The following AKAP19 variants were observed in gnomAD, a reference collection of about 807,000 sequenced individuals.
AKAP19 encodes small A-kinase anchoring protein.
the AKAP19 span, among the ~76,000 whole-genome samples, chr2:189,999,548 T>A: frequency 7.9e-5 from 12 of 152,356 alleles, no homozygotes; most frequent in Admixed American, 2.0e-4. Context: ...TATAGTCTGA[T>A]GTGACTTCCT....
chr2:189,948,019 T>C, the AKAP19 span, among the ~76,000 whole-genome samples: 6 of 152,166 alleles, frequency 3.9e-5, no homozygotes, highest in African/African-American at 1.4e-4. Context: ...AAAATTTGAA[T>C]CATGAAATAT....
At chr2:190,044,360 C>T in the AKAP19 span, among the ~76,000 whole-genome samples, 3 of 152,084 alleles carry the variant, frequency 2.0e-5, no homozygotes, top group Admixed American at 6.5e-5. Context: ...TGCTGTGGAC[C>T]CCAGCCAGGA....
the AKAP19 span, among the ~76,000 whole-genome samples, chr2:189,933,735 G>T: frequency 3.3e-5 from 5 of 152,020 alleles, no homozygotes; most frequent in African/African-American, 1.2e-4. Context: ...ATTTTTCTCA[G>T]TTTCTAAGAG....
the AKAP19 span, chr2:190,062,250 T>A: frequency 1.2e-6 from 2 of 1,613,086 alleles, no homozygotes; most frequent in Non-Finnish European, 1.7e-6. Context: ...AATGATTGTT[T>A]CCGTTGTAGC....
the AKAP19 span, among the ~76,000 whole-genome samples, chr2:189,924,831 GT>G: frequency 1.3e-5 from 2 of 152,074 alleles, no homozygotes; most frequent in Admixed American, 6.6e-5. Flanking sequence ...ACAGCCTGAT[GT>G]TTGGGACCTT....
At chr2:189,895,125 C>A in the AKAP19 span, among the ~76,000 whole-genome samples, 69 of 151,924 alleles carry the variant, frequency 4.5e-4, 1 homozygote, top group Admixed American at 2.4e-3. Flanking sequence ...AGATCACAAC[C>A]ATTAACATAA....
At chr2:190,127,476 A>G in the AKAP19 span, among the ~76,000 whole-genome samples, 1 of 152,236 alleles carries the variant, frequency 6.6e-6, no homozygotes, top group East Asian at 1.9e-4. Flanking sequence ...ACTTGTGCAT[A>G]TTTGAGACAC....
the AKAP19 span, among the ~76,000 whole-genome samples, chr2:190,061,283 G>T: frequency 6.6e-6 from 1 of 151,946 alleles, no homozygotes; most frequent in African/African-American, 2.4e-5. Flanking sequence ...CAAGATAACA[G>T]GTAACACAAA....
chr2:189,930,611 G>A, the AKAP19 span: 3,564 of 294,282 alleles, frequency 0.012, 43 homozygotes, highest in Admixed American at 0.019. Flanking sequence ...GGGAGGCAGA[G>A]GTTGCAGTCA....
At chr2:189,988,218 T>C in the AKAP19 span, among the ~76,000 whole-genome samples, 41 of 152,130 alleles carry the variant, frequency 2.7e-4, no homozygotes, top group Admixed American at 6.5e-4. Context: ...ATACTGATGT[T>C]ACCTTCAAGA....
At chr2:189,976,731 G>T in the AKAP19 span, among the ~76,000 whole-genome samples, 2 of 152,228 alleles carry the variant, frequency 1.3e-5, no homozygotes, top group Non-Finnish European at 2.9e-5. Flanking sequence ...TCAGTCTGCT[G>T]TGCTAGCAAT....
chr2:189,921,865 C>A, the AKAP19 span, among the ~76,000 whole-genome samples: 1 of 152,104 alleles, frequency 6.6e-6, no homozygotes, highest in South Asian at 2.1e-4. Flanking sequence ...ATATTATGAA[C>A]ACCTGGATAT....
At chr2:190,088,622 A>G in the AKAP19 span, among the ~76,000 whole-genome samples, 1 of 152,068 alleles carries the variant, frequency 6.6e-6, no homozygotes, top group Admixed American at 6.6e-5. Context: ...AGGCTAAAGA[A>G]AAAAAAAGTA....
the AKAP19 span, among the ~76,000 whole-genome samples, chr2:190,158,184 C>T: frequency 6.6e-6 from 1 of 152,108 alleles, no homozygotes; most frequent in African/African-American, 2.4e-5. Flanking sequence ...TGTTGTGAGC[C>T]CTTAAAGGGG....
chr2:190,050,985 G>A, the AKAP19 span, among the ~76,000 whole-genome samples: 1 of 152,306 alleles, frequency 6.6e-6, no homozygotes, highest in South Asian at 2.1e-4. Context: ...CGATGATGTT[G>A]CATCTACAAA....
At chr2:190,078,734 A>G in the AKAP19 span, among the ~76,000 whole-genome samples, 2 of 152,158 alleles carry the variant, frequency 1.3e-5, no homozygotes, top group African/African-American at 4.8e-5. Flanking sequence ...ACAATCTGGC[A>G]CTATCTTTTA....
chr2:190,010,318 T>C, the AKAP19 span, among the ~76,000 whole-genome samples: 2 of 152,278 alleles, frequency 1.3e-5, no homozygotes, highest in East Asian at 3.9e-4. Flanking sequence ...TTGTGTCAAT[T>C]TTCTTACAGG....
chr2:190,051,933 G>T, the AKAP19 span, among the ~76,000 whole-genome samples: 14 of 152,032 alleles, frequency 9.2e-5, no homozygotes, highest in African/African-American at 3.4e-4. Flanking sequence ...CACCTCCCGG[G>T]TTCACGCCAT....
the AKAP19 span, chr2:190,200,552 G>A: frequency 5.7e-3 from 1,027 of 179,832 alleles, 12 homozygotes; most frequent in African/African-American, 0.022. Context: ...TATGAAAAGG[G>A]CTTTTCTAAA....
Sources: gnomAD v4.1 joint callset for allele counts (sites outside exome capture counted in the v4.1 genomes callset) on GRCh38, gnomAD v4.1.1 for gene constraint, MANE v1.5 for transcripts, NCBI Gene and HGNC (gene_info 2026-07-23, HGNC 2026-07-21) for gene names.